The following GIMAP8 variants were observed in gnomAD, a reference collection of about 807,000 sequenced individuals.
The protein encoded by GIMAP8 is GTPase, IMAP family member 8, also known as GTPase IMAP family member 8.
In GIMAP8, 29 loss-of-function variants were observed where a neutral mutation model predicts 35.6. The ratio of observed to expected loss-of-function variants is 0.81; its 90% CI spans 0.61 to 1.11. The LOEUF is 1.11. Ranked by LOEUF, GIMAP8 falls within the 50% of genes most tolerant of loss-of-function variation. The pLI is 0.00. For synonymous variants in GIMAP8, 335 were observed against 308.7 expected, an observed-to-expected ratio of 1.09 and a Z score of -0.89; for missense variants, 811 against 805.0, an observed-to-expected ratio of 1.01 and a Z score of -0.09.
chr7:150,466,764 A>G lies in GIMAP8; in HGVS notation c.66A>G (p.Gly22=), dbSNP rs141075334. 2.2e-4 allele frequency: 349 copies of G among 1,613,404 alleles called. 1 individual carries two copies. In the African/African-American group the frequency reaches 3.8e-3, roughly 18 times the overall value. ...TCCTCCTGGGAAAATGCCGCTCGGGAAAAAGTGCCACAGGAAATGCCATTC... is the reference window on the plus strand; with the variant it reads ...TCCTCCTGGGAAAATGCCGCTCGGGGAAAAGTGCCACAGGAAATGCCATTC... ...RLLLLGKCRS[G]KSATGNAILG... The change falls in exon 2 of 5, where the codon GGA becomes GGG. Residue 22 remains glycine, a synonymous_variant. Coordinates refer to ENST00000307271, the MANE Select transcript of GIMAP8 (RefSeq NM_175571.4).
At chr7:150,465,709 A>G (rs1382899094) in intron 1 of GIMAP8, among the ~76,000 whole-genome samples, 1 of 152,228 alleles carries the variant, frequency 6.6e-6, no homozygotes, top group African/African-American at 2.4e-5. Flanking sequence ...GATTGCAAAG[A>G]GCTTGGCACA....
intron 1 of GIMAP8, among the ~76,000 whole-genome samples, chr7:150,461,434 A>G (rs1383460185): frequency 6.6e-6 from 1 of 151,698 alleles, no homozygotes; most frequent in African/African-American, 2.4e-5. Flanking sequence ...TAGTTATTAT[A>G]CTCTCTTGCT....
chr7:150,456,796 T>C (rs1801740258), intron 1 of GIMAP8, among the ~76,000 whole-genome samples: 1 of 152,176 alleles, frequency 6.6e-6, no homozygotes, highest in African/African-American at 2.4e-5. Flanking sequence ...TATGGAAAAA[T>C]GTTAAAATTA....
Position 150,478,097 on chromosome 7 carries a change from A to G in GIMAP8, c.*317A>G, listed in dbSNP as rs1007013390. ...TCACTTGTGTAGGTAGGTTGGAATC[A>G]GGATAGACACTGTGATCAAGGCTGA... On this transcript the variant is annotated 3_prime_UTR_variant, in exon 5 of 5. Transcript: ENST00000307271. 1.9e-5 allele frequency: 7 copies of G among 366,234 alleles called. No individual in the cohort carries two copies. The highest frequency in any genetic ancestry group is 1.6e-4 in the East Asian group (3 of 18,212). 22.7% of individuals were successfully genotyped at this position (366,234 alleles called of 1,614,324 possible).
chr7:150,470,774 T>A, intron 2 of GIMAP8, 55 bp from the exon 3 acceptor site: 1 of 792,534 alleles, frequency 1.3e-6, no homozygotes. Context: ...TTTTTCAGTT[T>A]GTGGAAGATG....
In GIMAP8 at chr7:150,467,444, T is replaced by C. The variant is rs1402206019; in HGVS notation, c.636+110T>C. On this transcript the variant is annotated intron_variant, in intron 2 of 4. Coordinates refer to ENST00000307271, the MANE Select transcript of GIMAP8 (RefSeq NM_175571.4). ...ATTGTGTGATGGAACATGGGTTTTG[T>C]TTAATAAGATATTTATATATAATTT... is the stretch of plus-strand genomic sequence containing the variant. 54 of 832,120 alleles carry C rather than the reference T, an allele frequency of 6.5e-5. No homozygotes were observed. The East Asian group carries it at 1.4e-3, about 22-fold the overall frequency. 51.5% of individuals were successfully genotyped at this position (832,120 alleles called of 1,614,324 possible).
chr7:150,455,138 C>CAAAAAAAAAAAAAAAACAAAAAAAAAAA (rs1801700757), intron 1 of GIMAP8, among the ~76,000 whole-genome samples: 1 of 124,002 alleles, frequency 8.1e-6, no homozygotes, highest in African/African-American at 3.1e-5. Flanking sequence ...AATTCCATCT[C>CAAAAAAAAAAAAAAAACAAAAAAAAAAA]AAAAAAAAAA....
At chr7:150,474,972 G>T (rs1802194834) in intron 4 of GIMAP8, among the ~76,000 whole-genome samples, 1 of 151,952 alleles carries the variant, frequency 6.6e-6, no homozygotes, top group African/African-American at 2.4e-5. Flanking sequence ...AGAATATGCG[G>T]TGTTTGGTTT....
At position 150,477,557 on chromosome 7, in the gene GIMAP8, A is replaced by T; in HGVS notation, c.1775A>T (p.Lys592Ile). ...AACAAAGCCCTTCGGCGCATTTTTA[A>T]AAAGTGTGGGCGGCGAGTTTGTGCT... Reference protein sequence around the residue: ...SDNKALRRIFKKCGRRVCAFN... With the variant: ...SDNKALRRIFIKCGRRVCAFN... Residue 592 changes from lysine (K) to isoleucine (I), a missense_variant, in exon 5 of 5, where the codon AAA (lysine) becomes ATA (isoleucine). Coordinates refer to ENST00000307271, the MANE Select transcript of GIMAP8 (RefSeq NM_175571.4). 1.2e-6 allele frequency: 2 copies of T among 1,614,164 alleles called. No homozygotes were observed. The highest frequency in any genetic ancestry group is 2.2e-5 in the South Asian group (2 of 91,086).
At chr7:150,452,675 G>GATATAGATATAT (rs1801639417) in intron 1 of GIMAP8, among the ~76,000 whole-genome samples, 1 of 79,670 alleles carries the variant, frequency 1.3e-5, no homozygotes, top group African/African-American at 5.3e-5. Context: ...GTGTGTGTGA[G>GATATAGATATAT]ATATATATAT....
intron 1 of GIMAP8, among the ~76,000 whole-genome samples, chr7:150,461,034 A>G (rs1334394670): frequency 2.0e-5 from 3 of 152,264 alleles, no homozygotes; most frequent in African/African-American, 7.2e-5. Flanking sequence ...TGAGTTATCT[A>G]TAAGGGCCTG....
chr7:150,452,587 G>GTA (rs1467779936), intron 1 of GIMAP8, among the ~76,000 whole-genome samples: 1 of 142,824 alleles, frequency 7.0e-6, no homozygotes, highest in South Asian at 2.2e-4. Flanking sequence ...ATGTATATAT[G>GTA]TATATATATG....
At chr7:150,470,008 A>T (rs142379028) in intron 2 of GIMAP8, among the ~76,000 whole-genome samples, 1 of 152,244 alleles carries the variant, frequency 6.6e-6, no homozygotes, top group Admixed American at 6.5e-5. Flanking sequence ...AAAAGATAGA[A>T]GTATATATAC....
intron 1 of GIMAP8, among the ~76,000 whole-genome samples, chr7:150,459,569 T>C (rs1326998380): frequency 6.6e-6 from 1 of 152,176 alleles, no homozygotes; most frequent in African/African-American, 2.4e-5. Flanking sequence ...TGGATGCTGA[T>C]CCGGAGCATA....
At chr7:150,476,947 C>G (rs1166959808) in intron 4 of GIMAP8, 145 bp from the exon 5 acceptor site, 4 of 635,022 alleles carry the variant, frequency 6.3e-6, no homozygotes, top group African/African-American at 1.8e-5. Flanking sequence ...GTTTGGAGAT[C>G]CCCCTGCTTG....
intron 1 of GIMAP8, among the ~76,000 whole-genome samples, chr7:150,457,351 T>C (rs1436416322): frequency 6.6e-6 from 1 of 152,242 alleles, no homozygotes; most frequent in East Asian, 1.9e-4. Context: ...ATAACCATCA[T>C]GAGCATGTCA....
chr7:150,468,510 G>A (rs1046711581), intron 2 of GIMAP8, among the ~76,000 whole-genome samples: 6 of 152,140 alleles, frequency 3.9e-5, no homozygotes, highest in South Asian at 2.1e-4. Flanking sequence ...CATCAGTTAC[G>A]CATGTCCGTA....
chr7:150,467,552 A>T lies in GIMAP8; in HGVS notation c.636+218A>T, dbSNP rs1262855534. 2.0e-5 allele frequency among the ~76,000 whole-genome samples: 3 copies of T among 152,196 alleles called. No individual in the cohort carries two copies. The East Asian group carries it at 5.8e-4, about 29-fold the overall frequency. On this transcript the variant is annotated intron_variant, in intron 2 of 4. Coordinates refer to ENST00000307271, the MANE Select transcript of GIMAP8 (RefSeq NM_175571.4). The stretch of plus-strand genomic sequence containing the variant: ...GGCTTTATTAGCAAATTAATGGACA[A>T]ATTTAAGCCTTTATCTTACTTGGTC...
rs375403182 is a variant in GIMAP8, at chr7:150,477,482, A to C, written c.1700A>C (p.Lys567Thr). 3 of 1,614,074 alleles carry C rather than the reference A, an allele frequency of 1.9e-6. No homozygotes were observed. In the African/African-American group the frequency reaches 4.0e-5, roughly 22 times the overall value. ...TACGCGATTATGCTGTTCACCCGGA[A>C]GGAAGACCTAGGGGCGGGGAATTTG... ...TKYAIMLFTR[K>T]EDLGAGNLED... Residue 567 changes from lysine (K) to threonine (T), a missense_variant, in exon 5 of 5, where the codon AAG becomes ACG. Coordinates refer to ENST00000307271, the MANE Select transcript of GIMAP8 (RefSeq NM_175571.4).
Sources: allele counts gnomAD v4.1 joint callset (sites outside exome capture counted in the v4.1 genomes callset), GRCh38; gene constraint gnomAD v4.1.1; transcripts MANE v1.5; gene names NCBI Gene and HGNC (gene_info 2026-07-23, HGNC 2026-07-21).